The following CST4 variants were observed in gnomAD, a reference collection of about 807,000 sequenced individuals.
The protein encoded by CST4 is cystatin S.
Under a neutral mutation model 11.2 loss-of-function variants are expected in CST4, and 17 were observed. The observed-to-expected ratio is 1.52, with a 90% CI of 1.04 to 2.27. CST4 has a LOEUF of 2.27. CST4 is among the 30% of genes most tolerant of loss of function. The pLI is 0.00. For missense variants in CST4, 251 were observed against 180.2 expected (o/e 1.39, Z -2.25); for synonymous variants, 93 against 70.1 (o/e 1.33, Z -1.63).
intron 2 of CST4, among the ~76,000 whole-genome samples, chr20:23,686,866 G>A (rs1421203364): frequency 6.6e-6 from 1 of 151,620 alleles, no homozygotes; most frequent in Admixed American, 6.6e-5. Context: ...ACACCTACCC[G>A]CACACACTGG....
chr20:23,687,314 C>T (rs1389081889), intron 1 of CST4, 113 bp from the exon 2 acceptor site: 54 of 885,102 alleles, frequency 6.1e-5, no homozygotes, highest in Non-Finnish European at 1.0e-4. Flanking sequence ...CGTGAGCTGC[C>T]CACATGTCAA....
intron 2 of CST4, 62 bp downstream of exon 2, chr20:23,687,026 G>A (rs1458292333): frequency 1.2e-5 from 19 of 1,605,466 alleles, no homozygotes; most frequent in African/African-American, 9.4e-5. Context: ...TAGGACAGAG[G>A]CTGACACATA....
chr20:23,687,814 A>G (rs1194004617), intron 1 of CST4, among the ~76,000 whole-genome samples: 3 of 152,216 alleles, frequency 2.0e-5, no homozygotes, highest in African/African-American at 4.8e-5. Context: ...TCCCTCGAGT[A>G]TCAGTTTACC....
Position 23,687,084 on chromosome 20 carries a change from G to A in CST4, c.342+4C>T, listed in dbSNP as rs766857356. ...CTGGCCCGGGACCCGCATCAGGAAC[G>A]TACCTTCTGCAGTTCTGGCTGTTCA... On this transcript the variant is annotated splice_donor_region_variant and intron_variant, in intron 2 of 2. Coordinates refer to ENST00000217423, the MANE Select transcript of CST4 (RefSeq NM_001899.3). 17 of 1,614,004 alleles carry A rather than the reference G, an allele frequency of 1.1e-5. No homozygotes were observed. The highest frequency in any genetic ancestry group is 1.6e-4 in the Middle Eastern group (1 of 6,084).
Position 23,685,855 on chromosome 20 carries a change from A to T in CST4, c.*39T>A. On this transcript the variant is annotated 3_prime_UTR_variant, in exon 3 of 3. Transcript: ENST00000217423. ...GGGTGGGAGCACTACAGTGGGTGGG[A>T]GTGGGTGGTGGTCGGTGTGACTGGC... 1 of 1,603,544 alleles carries T rather than the reference A, an allele frequency of 6.2e-7. No homozygotes were observed. Among genetic ancestry groups the T allele is most frequent in the Non-Finnish European group, 8.5e-7 (1 of 1,170,772 alleles).
chr20:23,686,929 C>T (rs1351867028), intron 2 of CST4, among the ~76,000 whole-genome samples, 159 bp downstream of exon 2: 1 of 152,128 alleles, frequency 6.6e-6, no homozygotes, highest in African/African-American at 2.4e-5. Flanking sequence ...CATGCACACC[C>T]CCCCATAAGT....
In CST4 at chr20:23,688,747, C is replaced by T. The variant is rs1452581630; in HGVS notation, c.223G>A (p.Glu75Lys). 1 of 1,614,058 alleles carries T rather than the reference C, an allele frequency of 6.2e-7. No homozygotes were observed. The highest frequency in any genetic ancestry group is 1.7e-4 in the Middle Eastern group (1 of 6,048). ...RRPLQVLRAR[E>K]QTFGGVNYFF... ...CGGGTGGAGGCAGCACCCACCTGCTCCCTGGCTCGCAGCACCTGCAGCGGG... is the reference window on the plus strand; with the variant it reads ...CGGGTGGAGGCAGCACCCACCTGCTTCCTGGCTCGCAGCACCTGCAGCGGG... The change falls in exon 1 of 3, where the codon GAG becomes AAG. Residue 75 changes from glutamate (E) to lysine (K), a missense_variant. Transcript: ENST00000217423.
chr20:23,685,834 G>A lies in CST4; in HGVS notation c.*60C>T. ...GGGTGGGGGCCACCAGTCCAGGGGT[G>A]GGAGCACTACAGTGGGTGGGAGTGG... On this transcript the variant is annotated 3_prime_UTR_variant, in exon 3 of 3. Transcript: ENST00000217423. 1 of 1,570,856 alleles carries A rather than the reference G, an allele frequency of 6.4e-7. No individual in the cohort carries two copies. Among genetic ancestry groups the A allele is most frequent in the South Asian group, 1.1e-5 (1 of 89,692 alleles).
At chr20:23,688,274 G>T (rs999310640) in intron 1 of CST4, among the ~76,000 whole-genome samples, 1 of 152,260 alleles carries the variant, frequency 6.6e-6, no homozygotes, top group African/African-American at 2.4e-5. Flanking sequence ...CTGCCTGAGG[G>T]TGAAGGCCAC....
Position 23,685,782 on chromosome 20 carries a change from C to A in CST4, c.*112G>T, listed in dbSNP as rs1413602934. The stretch of plus-strand genomic sequence containing the variant: ...GCAGCCTTCTCTGTCTGTCTCTTGG[C>A]ACAGGCACATGGGGAGGCCTCCCGC... On this transcript the variant is annotated 3_prime_UTR_variant, in exon 3 of 3. Coordinates refer to ENST00000217423, the MANE Select transcript of CST4 (RefSeq NM_001899.3). 4 of 1,091,858 alleles carry A rather than the reference C, an allele frequency of 3.7e-6. No homozygotes were observed. Among genetic ancestry groups the A allele is most frequent in the Non-Finnish European group, 5.4e-6 (4 of 736,298 alleles). The allele number at this position is 1,091,858 out of a possible 1,614,324, so 67.6% of individuals were successfully genotyped here.
rs779637753 is a variant in CST4 at position 23,685,868 on chromosome 20, C to T, written c.*26G>A. On this transcript the variant is annotated 3_prime_UTR_variant, in exon 3 of 3. Coordinates refer to ENST00000217423, the MANE Select transcript of CST4 (RefSeq NM_001899.3). ...ACAGTGGGTGGGAGTGGGTGGTGGT[C>T]GGTGTGACTGGCCTGGCACAGACCC... 1.8e-5 allele frequency: 29 copies of T among 1,611,450 alleles called. No homozygotes were observed. The highest frequency in any genetic ancestry group is 4.5e-5 in the East Asian group (2 of 44,858).
intron 2 of CST4, among the ~76,000 whole-genome samples, chr20:23,686,380 C>G (rs1487166067): frequency 6.6e-6 from 1 of 152,110 alleles, no homozygotes; most frequent in African/African-American, 2.4e-5. Flanking sequence ...AACTCCCCCT[C>G]AAAGAGCTGG....
At chr20:23,688,677 C>A (rs764165775) in intron 1 of CST4, 65 bp downstream of exon 1, 2 of 1,467,048 alleles carry the variant, frequency 1.4e-6, no homozygotes, top group South Asian at 2.3e-5. Context: ...GCTTGGAATG[C>A]TCTTGGGGGT....
Position 23,688,770 on chromosome 20 carries a change from G to C in CST4, c.200C>G (p.Pro67Arg). Reference sequence around the variant, plus strand: ...CTCCCTGGCTCGCAGCACCTGCAGCGGGCGTCTGTAGTACTCATCTTCGGT... The same window carrying C: ...CTCCCTGGCTCGCAGCACCTGCAGCCGGCGTCTGTAGTACTCATCTTCGGT... ...KATEDEYYRR[P>R]LQVLRAREQT... Residue 67 changes from proline to arginine, a missense_variant, in exon 1 of 3, where the codon CCG becomes CGG. By Grantham distance (103) the Pro-to-Arg change is moderately radical. Transcript: ENST00000217423. The C allele has an allele frequency of 6.2e-7, 1 of 1,614,134 alleles. No individual in the cohort carries two copies. The highest frequency in any genetic ancestry group is 8.5e-7 in the Non-Finnish European group (1 of 1,180,016).
chr20:23,686,679 C>T (rs750942496), intron 2 of CST4, among the ~76,000 whole-genome samples: 1 of 152,124 alleles, frequency 6.6e-6, no homozygotes, highest in Non-Finnish European at 1.5e-5. Flanking sequence ...CTTCTAGTAA[C>T]CATTCCCAAG....
At position 23,688,752 on chromosome 20, in the gene CST4, G is replaced by C. The variant is rs148410189; in HGVS notation, c.218C>G (p.Ala73Gly). Residue 73 changes from alanine (A) to glycine (G), a missense_variant, in exon 1 of 3, where the codon GCC becomes GGC. Physicochemically the swap from Ala to Gly is moderately conservative, Grantham distance 60. Coordinates refer to ENST00000217423, the MANE Select transcript of CST4 (RefSeq NM_001899.3). ...GGAGGCAGCACCCACCTGCTCCCTG[G>C]CTCGCAGCACCTGCAGCGGGCGTCT... ...YYRRPLQVLR[A>G]REQTFGGVNY... 1 of 1,613,994 alleles carries C rather than the reference G, an allele frequency of 6.2e-7. No homozygotes were observed. Among genetic ancestry groups the C allele is most frequent in the Non-Finnish European group, 8.5e-7 (1 of 1,180,008 alleles).
At position 23,687,172 on chromosome 20, in the gene CST4, G is replaced by A. The variant is rs369432950; in HGVS notation, c.258C>T (p.Asp86=). Residue 86 remains aspartate (D), a synonymous_variant, in exon 2 of 3, where the codon GAC becomes GAT. Transcript: ENST00000217423. ...QTFGGVNYFF[D]VEVGRTICTK... is the part of the protein sequence containing the mutation. ...TACATATGGTGCGGCCCACCTCTAC[G>A]TCGAAGAAGTAATTCACCCCCCCAA... The A allele has an allele frequency of 6.2e-7, 1 of 1,613,922 alleles. No individual in the cohort carries two copies. The highest frequency in any genetic ancestry group is 1.3e-5 in the African/African-American group (1 of 74,816).
At position 23,688,816 on chromosome 20, in the gene CST4, TG is replaced by T; in HGVS notation, c.153del (p.Ile52SerfsTer30). 6.2e-7 allele frequency: 1 copy of T among 1,614,182 alleles called. No homozygotes were observed. Among genetic ancestry groups the T allele is most frequent in the South Asian group, 1.1e-5 (1 of 91,086 alleles). On this transcript the variant is annotated frameshift_variant, in exon 1 of 3. Coordinates refer to ENST00000217423, the MANE Select transcript of CST4 (RefSeq NM_001899.3). LOFTEE classifies it high-confidence loss of function. ...TCGGTGGCCTTGTTGTACTCGCTGA[TG>T]GCGAAGTGAAGGGCACGCTGTACCC... ...DEWVQRALHF[A>X]ISEYNKATED...
At chr20:23,687,373 C>G (rs1981083201) in intron 1 of CST4, among the ~76,000 whole-genome samples, 172 bp from the exon 2 acceptor site, 1 of 152,136 alleles carries the variant, frequency 6.6e-6, no homozygotes. Flanking sequence ...GGGTGCTGAG[C>G]CTCATGCCCG....
Sources: allele counts gnomAD v4.1 joint callset (sites outside exome capture counted in the v4.1 genomes callset), GRCh38; gene constraint gnomAD v4.1.1; transcripts MANE v1.5; gene names NCBI Gene and HGNC (gene_info 2026-07-23, HGNC 2026-07-21).